Variants in EPHA6 observed in about 807,000 individuals in gnomAD.
EPHA6 encodes the protein ephrin type-A receptor 6.
A neutral mutation model predicts 112.0 loss-of-function variants in EPHA6; 50 were observed. That is an observed-to-expected ratio of 0.45 (90% CI 0.36 to 0.56). The LOEUF (loss-of-function observed/expected upper bound fraction) is 0.56, where lower values mean the gene tolerates loss of function less well. Among genes scored for constraint, EPHA6 ranks in the 20% least tolerant of loss-of-function variants. The pLI is 0.00. For missense variants in EPHA6, 1,280 were observed against 1,417.4 expected (o/e 0.90, Z 1.56); for synonymous variants, 529 against 490.7 (o/e 1.08, Z -1.03).
chr3:96,815,104 G>C, intron 1 of EPHA6, 96 bp downstream of exon 1: 5 of 1,239,910 alleles, frequency 4.0e-6, no homozygotes, highest in Non-Finnish European at 5.4e-6. Context: ...CTTTGTACAG[G>C]GGTCAGAGTC....
intron 14 of EPHA6, among the ~76,000 whole-genome samples, chr3:97,704,031 G>A (rs1029400039): frequency 6.6e-6 from 1 of 151,796 alleles, no homozygotes; most frequent in African/African-American, 2.4e-5. Context: ...TTTTAATATA[G>A]ACTAAATTAT....
intron 3 of EPHA6, among the ~76,000 whole-genome samples, chr3:97,190,006 A>G (rs1384199608): frequency 6.6e-6 from 1 of 152,058 alleles, no homozygotes; most frequent in Non-Finnish European, 1.5e-5. Flanking sequence ...CTGAATGGAA[A>G]TAACAGAATC....
chr3:97,627,474 G>A (rs551637873), intron 13 of EPHA6, among the ~76,000 whole-genome samples: 74 of 151,778 alleles, frequency 4.9e-4, no homozygotes, highest in Non-Finnish European at 2.5e-4. Flanking sequence ...ATACCTGAGA[G>A]AAAATATTCC....
chr3:97,492,073 AT>A (rs557763931), intron 10 of EPHA6, among the ~76,000 whole-genome samples: 4 of 152,098 alleles, frequency 2.6e-5, no homozygotes, highest in African/African-American at 4.8e-5. Flanking sequence ...TAGCTGATAG[AT>A]TTTTTTTAAG....
chr3:97,586,795 G>A (rs2093493521), intron 11 of EPHA6, among the ~76,000 whole-genome samples: 1 of 152,190 alleles, frequency 6.6e-6, no homozygotes, highest in Non-Finnish European at 1.5e-5. Flanking sequence ...TTCAGGGAAA[G>A]TAGCCCTTGG....
At chr3:97,132,399 C>T (rs1042386635) in intron 3 of EPHA6, among the ~76,000 whole-genome samples, 3 of 151,926 alleles carry the variant, frequency 2.0e-5, no homozygotes, top group African/African-American at 7.2e-5. Context: ...TCCTAACTTA[C>T]GGGAGGTGAA....
intron 3 of EPHA6, among the ~76,000 whole-genome samples, chr3:97,222,482 A>G (rs2078237016): frequency 6.6e-6 from 1 of 152,204 alleles, no homozygotes; most frequent in Admixed American, 6.5e-5. Context: ...TTTTTGCATT[A>G]GGAGTAATAT....
chr3:96,917,474 C>T lies in EPHA6; in HGVS notation c.450+50585C>T, dbSNP rs142444184. Among the ~76,000 whole-genome samples, 509 of 150,852 alleles carry T rather than the reference C, an allele frequency of 3.4e-3. 2 individuals are homozygous for T. Among genetic ancestry groups the T allele is most frequent in the Non-Finnish European group, 6.3e-3 (427 of 67,760 alleles). On this transcript the variant is annotated intron_variant, in intron 2 of 17. Transcript: ENST00000389672. ...TTCATTATAGTTTTTATTTCTCTCT[C>T]CAGTACAATTCCTAATAGAAGTGCA...
chr3:97,445,176 CA>C (rs1325102826), intron 6 of EPHA6, among the ~76,000 whole-genome samples: 1 of 152,020 alleles, frequency 6.6e-6, no homozygotes, highest in African/African-American at 2.4e-5. Context: ...CATTGCTTCT[CA>C]ATGATTTTTT....
At chr3:96,955,118 T>C (rs542408064) in intron 2 of EPHA6, among the ~76,000 whole-genome samples, 1 of 152,306 alleles carries the variant, frequency 6.6e-6, no homozygotes, top group South Asian at 2.1e-4. Context: ...CACTGAGCTT[T>C]ACAGAGCTAG....
chr3:96,866,204 T>C (rs2036299697), intron 1 of EPHA6, among the ~76,000 whole-genome samples: 1 of 152,104 alleles, frequency 6.6e-6, no homozygotes, highest in South Asian at 2.1e-4. Context: ...AATGTTGTTA[T>C]GTGTTTACAT....
At chr3:96,976,568 C>G (rs1191967232) in intron 2 of EPHA6, among the ~76,000 whole-genome samples, 1 of 152,104 alleles carries the variant, frequency 6.6e-6, no homozygotes, top group Non-Finnish European at 1.5e-5. Flanking sequence ...TTTTAACTCT[C>G]TTTGCTATTA....
chr3:97,288,104 A>G (rs1398790964), intron 5 of EPHA6, among the ~76,000 whole-genome samples: 5 of 152,112 alleles, frequency 3.3e-5, no homozygotes, highest in African/African-American at 1.2e-4. Flanking sequence ...TTAATTTTCA[A>G]TGCAAGAGTA....
intron 3 of EPHA6, among the ~76,000 whole-genome samples, chr3:97,124,464 TTAAAAAAA>T (rs540638098): frequency 1.2e-3 from 134 of 110,844 alleles, no homozygotes; most frequent in African/African-American, 5.8e-3. Flanking sequence ...GGCATTCTGT[TTAAAAAAA>T]GAAAGAAAGA....
At chr3:97,665,789 G>A (rs2030008743) in intron 14 of EPHA6, among the ~76,000 whole-genome samples, 1 of 152,220 alleles carries the variant, frequency 6.6e-6, no homozygotes, top group South Asian at 2.1e-4. Flanking sequence ...CAGGCGCGGT[G>A]GGTCACGCCT....
intron 14 of EPHA6, among the ~76,000 whole-genome samples, chr3:97,716,160 GA>G (rs1157995585): frequency 6.6e-6 from 1 of 152,022 alleles, no homozygotes. Flanking sequence ...AATGCTTTAA[GA>G]AAAAAAGTAC....
At chr3:97,421,783 T>A (rs778968818) in intron 6 of EPHA6, among the ~76,000 whole-genome samples, 16 of 152,144 alleles carry the variant, frequency 1.1e-4, no homozygotes, top group Non-Finnish European at 1.9e-4. Context: ...ACCAATGTAT[T>A]GTAACAGAAT....
chr3:97,151,667 A>G (rs1014852220), intron 3 of EPHA6, among the ~76,000 whole-genome samples: 2 of 152,088 alleles, frequency 1.3e-5, no homozygotes, highest in Non-Finnish European at 2.9e-5. Flanking sequence ...TTACTGTGAG[A>G]TGCTTCAGAG....
intron 2 of EPHA6, among the ~76,000 whole-genome samples, chr3:96,943,703 C>G (rs2041099845): frequency 6.6e-6 from 1 of 152,102 alleles, no homozygotes; most frequent in Admixed American, 6.5e-5. Context: ...GCAAAGTTGA[C>G]TGTTGTATGA....
Sources: gnomAD v4.1 joint callset for allele counts (sites outside exome capture counted in the v4.1 genomes callset) on GRCh38, gnomAD v4.1.1 for gene constraint, MANE v1.5 for transcripts, NCBI Gene and HGNC (gene_info 2026-07-23, HGNC 2026-07-21) for gene names.